The following SCHIP1 variants were observed in gnomAD, a reference collection of about 807,000 sequenced individuals.
The protein encoded by SCHIP1 is schwannomin interacting protein 1, also known as schwannomin-interacting protein 1.
A neutral mutation model predicts 29.7 loss-of-function variants in SCHIP1; 8 were observed. That is an observed-to-expected ratio of 0.27 (90% CI 0.16 to 0.49). The LOEUF is 0.49. Ranked by LOEUF, SCHIP1 falls within the 20% of genes least tolerant of loss-of-function variation. SCHIP1 has a pLI of 0.99. For synonymous variants in SCHIP1, 76 were observed against 94.9 expected, an observed-to-expected ratio of 0.80 and a Z score of 1.16; for missense variants, 193 against 294.6, an observed-to-expected ratio of 0.66 and a Z score of 2.52.
chr3:159,504,062 A>T, the SCHIP1 span, among the ~76,000 whole-genome samples: 2 of 152,210 alleles, frequency 1.3e-5, no homozygotes, highest in Non-Finnish European at 2.9e-5. Flanking sequence ...TATAAAAATG[A>T]CTATTCAGAT....
the SCHIP1 span, among the ~76,000 whole-genome samples, chr3:159,652,734 A>T: frequency 6.6e-6 from 1 of 152,170 alleles, no homozygotes; most frequent in Non-Finnish European, 1.5e-5. Context: ...AAAGCCACAT[A>T]AGAGGGTGAG....
At chr3:159,725,459 G>T in the SCHIP1 span, among the ~76,000 whole-genome samples, 6 of 151,906 alleles carry the variant, frequency 3.9e-5, no homozygotes, top group Non-Finnish European at 7.4e-5. Context: ...AGTAGAGACG[G>T]GGTTTCATCA....
chr3:159,393,014 G>A, the SCHIP1 span, among the ~76,000 whole-genome samples: 28 of 152,334 alleles, frequency 1.8e-4, 1 homozygote, highest in South Asian at 1.9e-3. Context: ...TCTAACTGGT[G>A]TGAGATGGTA....
chr3:159,705,084 C>T, the SCHIP1 span, among the ~76,000 whole-genome samples: 4 of 148,636 alleles, frequency 2.7e-5, no homozygotes, highest in African/African-American at 9.8e-5. Context: ...CTGCCTCAGC[C>T]TCCTGAGTAG....
chr3:159,597,071 C>T, the SCHIP1 span, among the ~76,000 whole-genome samples: 1 of 151,862 alleles, frequency 6.6e-6, no homozygotes, highest in South Asian at 2.1e-4. Flanking sequence ...ACTGTGACTT[C>T]TCTTACCACC....
chr3:159,433,306 T>G, the SCHIP1 span, among the ~76,000 whole-genome samples: 4 of 152,314 alleles, frequency 2.6e-5, no homozygotes, highest in East Asian at 7.7e-4. Context: ...AACCCTGGGC[T>G]TGGTCCTTTG....
At chr3:159,396,730 C>A in the SCHIP1 span, among the ~76,000 whole-genome samples, 1 of 151,880 alleles carries the variant, frequency 6.6e-6, no homozygotes, top group Admixed American at 6.6e-5. Context: ...GTAACCCGAC[C>A]TTTCTCTCTG....
chr3:159,523,457 T>C, the SCHIP1 span, among the ~76,000 whole-genome samples: 1 of 152,234 alleles, frequency 6.6e-6, no homozygotes, highest in African/African-American at 2.4e-5. Flanking sequence ...TTAAACCGAT[T>C]GGAAATAAAG....
At chr3:159,740,996 C>T in the SCHIP1 span, among the ~76,000 whole-genome samples, 1 of 152,096 alleles carries the variant, frequency 6.6e-6, no homozygotes, top group Admixed American at 6.5e-5. Context: ...AGTCATCCAC[C>T]TCACCCAACT....
chr3:159,506,094 A>C, the SCHIP1 span, among the ~76,000 whole-genome samples: 5 of 152,200 alleles, frequency 3.3e-5, no homozygotes, highest in African/African-American at 4.8e-5. Flanking sequence ...CAACAGTGTA[A>C]AAGTGTTCCT....
At chr3:159,284,214 C>A in the SCHIP1 span, among the ~76,000 whole-genome samples, 1 of 152,044 alleles carries the variant, frequency 6.6e-6, no homozygotes, top group Non-Finnish European at 1.5e-5. Flanking sequence ...ATTTTCATTT[C>A]TTCCATGGTT....
chr3:159,373,686 C>A, the SCHIP1 span, among the ~76,000 whole-genome samples: 1 of 152,038 alleles, frequency 6.6e-6, no homozygotes, highest in Admixed American at 6.6e-5. Flanking sequence ...TGGCTTATTT[C>A]ACTTAGCAGA....
chr3:159,383,423 T>G, the SCHIP1 span, among the ~76,000 whole-genome samples: 1 of 151,714 alleles, frequency 6.6e-6, no homozygotes, highest in South Asian at 2.1e-4. Context: ...GTTGTAGATA[T>G]GCGGCGTTAT....
chr3:159,745,985 G>A, the SCHIP1 span, among the ~76,000 whole-genome samples: 2 of 152,154 alleles, frequency 1.3e-5, no homozygotes, highest in Non-Finnish European at 2.9e-5. Flanking sequence ...ATGATATCTG[G>A]GACTTGGGCT....
At chr3:159,657,255 G>C in the SCHIP1 span, among the ~76,000 whole-genome samples, 2 of 152,170 alleles carry the variant, frequency 1.3e-5, no homozygotes, top group Admixed American at 6.5e-5. Context: ...ACAGATCAGT[G>C]ACCTCTTCAA....
chr3:159,533,350 G>A, the SCHIP1 span, among the ~76,000 whole-genome samples: 2 of 152,116 alleles, frequency 1.3e-5, no homozygotes, highest in Admixed American at 6.5e-5. Flanking sequence ...TAGGTGAAGG[G>A]GAGCAATGGA....
chr3:159,762,096 C>T, the SCHIP1 span, among the ~76,000 whole-genome samples: 2 of 152,206 alleles, frequency 1.3e-5, no homozygotes, highest in Non-Finnish European at 2.9e-5. Context: ...TTACATCTTC[C>T]TACTCACAGG....
intron 5 of SCHIP1, among the ~76,000 whole-genome samples, chr3:159,890,581 T>C (rs1717412479): frequency 6.6e-6 from 1 of 152,212 alleles, no homozygotes; most frequent in Non-Finnish European, 1.5e-5. Context: ...TCACAGGATT[T>C]TTTAAAAAAA....
At chr3:159,603,286 C>T in the SCHIP1 span, among the ~76,000 whole-genome samples, 1 of 152,202 alleles carries the variant, frequency 6.6e-6, no homozygotes, top group African/African-American at 2.4e-5. Flanking sequence ...ATGTATTTGG[C>T]TATCAGAAGC....
Sources: gnomAD v4.1 joint callset for allele counts (sites outside exome capture counted in the v4.1 genomes callset) on GRCh38, gnomAD v4.1.1 for gene constraint, MANE v1.5 for transcripts, NCBI Gene and HGNC (gene_info 2026-07-23, HGNC 2026-07-21) for gene names.